BRI3: variants seen among roughly 807,000 people sequenced by gnomAD.
BRI3 encodes membrane protein BRI3.
Under a neutral mutation model 12.8 loss-of-function variants are expected in BRI3, and 6 were observed. The ratio of observed to expected loss-of-function variants is 0.47; its 90% confidence interval spans 0.26 to 0.93. The LOEUF is 0.93. BRI3 is among the 40% of genes least tolerant of loss of function. The probability of loss-of-function intolerance (pLI) is 0.15; values close to 1 mark genes in which losing one functional copy is unlikely to be tolerated. For synonymous variants in BRI3, 91 were observed against 76.1 expected (o/e 1.20, Z -1.02); for missense variants, 134 against 171.1 (o/e 0.78, Z 1.21).
At chr7:98,284,854 C>T (rs768168673) in intron 2 of BRI3, among the ~76,000 whole-genome samples, 1 of 152,146 alleles carries the variant, frequency 6.6e-6, no homozygotes, top group Non-Finnish European at 1.5e-5. Flanking sequence ...CACCCCTGCC[C>T]TGCCCTGCCC....
At chr7:98,292,680 T>C (rs781269155), downstream of BRI3, 15 of 1,551,306 alleles carry the variant, frequency 9.7e-6, no homozygotes, top group African/African-American at 1.4e-5. Context: ...CCTTTGAGAG[T>C]CTGTACCTGA....
chr7:98,293,695 G>A (rs375083226), downstream of BRI3: 633 of 1,176,212 alleles, frequency 5.4e-4, 8 homozygotes, highest in South Asian at 6.6e-3. Flanking sequence ...GAGACTGGGC[G>A]GCTGACCACC....
At chr7:98,293,218 G>GA, downstream of BRI3, 1 of 320,018 alleles carries the variant, frequency 3.1e-6, no homozygotes, top group Non-Finnish European at 5.7e-6. Context: ...TGTTATTAAG[G>GA]AAAAAATTCA....
rs562501117 is a variant in BRI3 at position 98,287,767 on chromosome 7, G to T, written c.246-3344G>T. Among the ~76,000 whole-genome samples the T allele has an allele frequency of 7.2e-4, 110 of 152,358 alleles. 1 individual carries two copies. Among genetic ancestry groups the T allele is most frequent in the African/African-American group, 2.5e-3 (106 of 41,594 alleles). On this transcript the variant is annotated intron_variant, in intron 2 of 2. Coordinates refer to ENST00000297290, the MANE Select transcript of BRI3 (RefSeq NM_015379.5). ...AGCAGCAGCTGCAGGTGGGAGGCTG[G>T]TGTGGGCGGGGCCCCCAGGCAGCAC...
the BRI3 span, chr7:98,319,927 G>A: frequency 1.3e-6 from 1 of 750,410 alleles, no homozygotes; most frequent in Non-Finnish European, 2.3e-6. Context: ...TCGGTTTCAT[G>A]CATCTGGGCA....
At chr7:98,317,412 A>C in the BRI3 span, 1 of 1,600,136 alleles carries the variant, frequency 6.2e-7, no homozygotes, top group Non-Finnish European at 8.5e-7. Flanking sequence ...ATTGTCACAC[A>C]GTTTGCCTTT....
downstream of BRI3, among the ~76,000 whole-genome samples, chr7:98,310,768 C>A: frequency 6.6e-6 from 1 of 151,932 alleles, no homozygotes; most frequent in South Asian, 2.1e-4. Flanking sequence ...CTCACTGCAA[C>A]CTCCGCCTCC....
chr7:98,309,984 G>C (rs1381232598), exon 2 of BRI3: 1 of 157,100 alleles, frequency 6.4e-6, no homozygotes, highest in Non-Finnish European at 1.4e-5. Context: ...CGAGTAGCTG[G>C]GATTACAGGC....
downstream of BRI3, among the ~76,000 whole-genome samples, chr7:98,296,650 CAAAACA>C (rs1800205063): frequency 6.6e-6 from 1 of 152,098 alleles, no homozygotes; most frequent in Non-Finnish European, 1.5e-5. Flanking sequence ...AAAAAACCAA[CAAAACA>C]AAAACAGAAA....
intron 2 of BRI3, among the ~76,000 whole-genome samples, chr7:98,284,608 C>T (rs1027521219): frequency 6.6e-6 from 1 of 152,356 alleles, no homozygotes; most frequent in East Asian, 1.9e-4. Context: ...TCCAGCCCGC[C>T]GGGCTCTGTC....
chr7:98,296,129 T>G (rs903184002), downstream of BRI3, among the ~76,000 whole-genome samples: 2 of 152,162 alleles, frequency 1.3e-5, no homozygotes, highest in Non-Finnish European at 2.9e-5. Flanking sequence ...ACTGAGCGAC[T>G]GTCCCTACGG....
At chr7:98,290,888 AT>A (rs755775585) in intron 2 of BRI3, among the ~76,000 whole-genome samples, 1 of 152,238 alleles carries the variant, frequency 6.6e-6, no homozygotes. Context: ...TTAAATAACT[AT>A]GGCCATTCCA....
chr7:98,288,239 C>G (rs1030888767), intron 2 of BRI3, among the ~76,000 whole-genome samples: 2 of 152,188 alleles, frequency 1.3e-5, no homozygotes, highest in African/African-American at 4.8e-5. Context: ...CCAGCTCCCC[C>G]GGAACCTGTC....
At chr7:98,296,064 C>T (rs899580017), downstream of BRI3, among the ~76,000 whole-genome samples, 3 of 152,190 alleles carry the variant, frequency 2.0e-5, no homozygotes, top group African/African-American at 4.8e-5. Flanking sequence ...ACCAGACGCC[C>T]GTCAATGGGA....
At chr7:98,312,350 C>A, downstream of BRI3, 1 of 1,415,368 alleles carries the variant, frequency 7.1e-7, no homozygotes, top group South Asian at 1.4e-5. Context: ...TCGCTGATAA[C>A]AGATTACTGG....
At chr7:98,281,982 C>A (rs1247060935) in intron 1 of BRI3, 45 bp downstream of exon 1, 5 of 1,290,894 alleles carry the variant, frequency 3.9e-6, no homozygotes, top group Non-Finnish European at 4.9e-6. Flanking sequence ...TCCGAGGTGG[C>A]AAGCCCGGTC....
At chr7:98,302,788 A>G (rs1369606847), upstream of BRI3, among the ~76,000 whole-genome samples, 1 of 152,052 alleles carries the variant, frequency 6.6e-6, no homozygotes. Flanking sequence ...TACACTGTAA[A>G]CCATTTTTCT....
chr7:98,315,423 T>A, downstream of BRI3: 2 of 1,364,114 alleles, frequency 1.5e-6, no homozygotes, highest in Non-Finnish European at 1.9e-6. Context: ...GAAATAAAGT[T>A]ATTAATACGC....
intron 2 of BRI3, among the ~76,000 whole-genome samples, chr7:98,289,865 G>A (rs1357672545): frequency 2.6e-5 from 4 of 152,234 alleles, no homozygotes; most frequent in Non-Finnish European, 5.9e-5. Flanking sequence ...TGGGTTCGAT[G>A]ATGATTTCAG....
Sources: allele counts gnomAD v4.1 joint callset (sites outside exome capture counted in the v4.1 genomes callset), GRCh38; gene constraint gnomAD v4.1.1; transcripts MANE v1.5; gene names NCBI Gene and HGNC (gene_info 2026-07-23, HGNC 2026-07-21).